The following EPB41L3 variants were observed in gnomAD, a reference collection of about 807,000 sequenced individuals.
EPB41L3 encodes erythrocyte membrane protein band 4.1 like 3.
Under a neutral mutation model 127.1 loss-of-function variants are expected in EPB41L3, and 57 were observed. That is an observed-to-expected ratio of 0.45 (90% CI 0.36 to 0.56). The LOEUF is 0.56. Among genes scored for constraint, EPB41L3 ranks in the 20% least tolerant of loss-of-function variants. The pLI, the probability that EPB41L3 is intolerant of heterozygous loss-of-function variation, is 0.00. For synonymous variants in EPB41L3, 572 were observed against 549.5 expected, an observed-to-expected ratio of 1.04 and a Z score of -0.57; for missense variants, 1,273 against 1,372.2, an observed-to-expected ratio of 0.93 and a Z score of 1.14.
chr18:5,415,701 C>A, intron 13 of EPB41L3, 117 bp downstream of exon 13: 1 of 1,107,250 alleles, frequency 9.0e-7, no homozygotes, highest in Non-Finnish European at 1.3e-6. Context: ...AACATATTGG[C>A]ACAGACAATA....
upstream of EPB41L3, among the ~76,000 whole-genome samples, chr18:5,630,142 C>T (rs1270665889): frequency 6.6e-6 from 1 of 152,176 alleles, no homozygotes; most frequent in Admixed American, 6.5e-5. Context: ...CCCTCTGTCC[C>T]CCTCAAAGCA....
chr18:5,401,448 A>C (rs2074478922), intron 16 of EPB41L3, among the ~76,000 whole-genome samples: 1 of 152,152 alleles, frequency 6.6e-6, no homozygotes, highest in Non-Finnish European at 1.5e-5. Context: ...TAAAAATTTA[A>C]AATTTCTATT....
intron 1 of EPB41L3, among the ~76,000 whole-genome samples, chr18:5,512,985 T>C (rs1051736228): frequency 2.0e-5 from 3 of 152,152 alleles, no homozygotes; most frequent in South Asian, 2.1e-4. Flanking sequence ...CCATAGAATA[T>C]AGCAGGATGA....
intron 5 of EPB41L3, among the ~76,000 whole-genome samples, chr18:5,441,360 G>A (rs58461379): frequency 0.49 from 74,524 of 151,996 alleles, 19,242 homozygotes; most frequent in East Asian, 0.65. Context: ...CATTAGATAA[G>A]GTAATACTTC....
upstream of EPB41L3, among the ~76,000 whole-genome samples, chr18:5,630,122 C>A (rs1568676313): frequency 6.6e-6 from 1 of 152,160 alleles, no homozygotes; most frequent in Admixed American, 6.5e-5. Flanking sequence ...CAGCTTAAAC[C>A]GGGCGCAAGC....
At chr18:5,562,662 G>A (rs372245388) in intron 3 of EPB41L3, among the ~76,000 whole-genome samples, 6 of 152,306 alleles carry the variant, frequency 3.9e-5, no homozygotes, top group African/African-American at 1.4e-4. Flanking sequence ...AACCATGGTG[G>A]TGGTGATGAT....
At chr18:5,410,197 T>C (rs1266643762) in intron 14 of EPB41L3, among the ~76,000 whole-genome samples, 1 of 151,234 alleles carries the variant, frequency 6.6e-6, no homozygotes, top group Non-Finnish European at 1.5e-5. Context: ...TAGCCTCTCA[T>C]TTGAGATAGA....
intron 7 of EPB41L3, 94 bp from the exon 8 acceptor site, chr18:5,433,650 T>C: frequency 2.6e-6 from 3 of 1,132,302 alleles, no homozygotes; most frequent in South Asian, 1.4e-5. Context: ...TCATAAGAAG[T>C]CCTATGGAGG....
At chr18:5,568,503 T>C (rs1380145605) in intron 3 of EPB41L3, among the ~76,000 whole-genome samples, 1 of 149,232 alleles carries the variant, frequency 6.7e-6, no homozygotes, top group East Asian at 2.0e-4. Flanking sequence ...TTTGAAACAC[T>C]AAATGTGAAA....
At chr18:5,596,582 C>A (rs970217087) in intron 3 of EPB41L3, among the ~76,000 whole-genome samples, 1 of 152,098 alleles carries the variant, frequency 6.6e-6, no homozygotes, top group Admixed American at 6.6e-5. Flanking sequence ...TACTTGTTGG[C>A]AATACTAGTT....
chr18:5,595,637 C>T (rs1379163601), intron 3 of EPB41L3, among the ~76,000 whole-genome samples: 1 of 152,160 alleles, frequency 6.6e-6, no homozygotes, highest in Non-Finnish European at 1.5e-5. Flanking sequence ...GGATGCATCC[C>T]ACCCCAGCAG....
intron 3 of EPB41L3, among the ~76,000 whole-genome samples, chr18:5,586,487 C>T (rs1021688749): frequency 3.3e-5 from 5 of 150,772 alleles, no homozygotes; most frequent in African/African-American, 1.2e-4. Flanking sequence ...GCAGCCTTGA[C>T]CTTCTAGGCT....
At chr18:5,533,067 ATGTCT>A (rs1321679752) in intron 1 of EPB41L3, among the ~76,000 whole-genome samples, 6 of 152,142 alleles carry the variant, frequency 3.9e-5, no homozygotes, top group Non-Finnish European at 7.3e-5. Flanking sequence ...ATCTTTTCAC[ATGTCT>A]TGTCTTAATG....
rs1598927996 is a variant in EPB41L3 at position 5,553,157 on chromosome 18, T to C, written c.-306+59183A>G. Among the ~76,000 whole-genome samples, 3 of 152,356 alleles carry C rather than the reference T, an allele frequency of 2.0e-5. No homozygotes were observed. The South Asian group carries it at 6.2e-4, about 32-fold the overall frequency. ...TTAGAAAGAATATGCAGGTTGTTTA[T>C]AGTCTAAGAAGCTACTAAAAGACTG... On this transcript the variant is annotated intron_variant, in intron 3 of 21. Transcript: ENST00000545076.
chr18:5,614,154 T>C (rs2094764024), intron 2 of EPB41L3, among the ~76,000 whole-genome samples: 1 of 152,210 alleles, frequency 6.6e-6, no homozygotes, highest in Non-Finnish European at 1.5e-5. Flanking sequence ...AATGTTGGAA[T>C]AGTCCACAGG....
chr18:5,519,859 A>G (rs1367979136), intron 1 of EPB41L3, among the ~76,000 whole-genome samples: 2 of 152,240 alleles, frequency 1.3e-5, no homozygotes, highest in African/African-American at 4.8e-5. Flanking sequence ...TACACTGTTC[A>G]GTTTTCAAGG....
chr18:5,618,654 T>G (rs1274907699), intron 1 of EPB41L3, among the ~76,000 whole-genome samples: 4 of 152,228 alleles, frequency 2.6e-5, no homozygotes, highest in Non-Finnish European at 5.9e-5. Context: ...AACAAATTTC[T>G]GAATTCAATG....
chr18:5,534,158 G>A (rs1014000228), intron 1 of EPB41L3, among the ~76,000 whole-genome samples: 22 of 151,972 alleles, frequency 1.4e-4, no homozygotes, highest in Admixed American at 3.3e-4. Context: ...GCGAGACTCC[G>A]TCTCAAAAAA....
intron 1 of EPB41L3, among the ~76,000 whole-genome samples, chr18:5,524,784 G>T (rs1267444792): frequency 6.6e-6 from 1 of 152,148 alleles, no homozygotes; most frequent in African/African-American, 2.4e-5. Flanking sequence ...GAGCTAGCGT[G>T]GATCACATGC....
Sources: gnomAD v4.1 joint callset for allele counts (sites outside exome capture counted in the v4.1 genomes callset) on GRCh38, gnomAD v4.1.1 for gene constraint, MANE v1.5 for transcripts, NCBI Gene and HGNC (gene_info 2026-07-23, HGNC 2026-07-21) for gene names.